MALRD1: variants seen among roughly 807,000 people sequenced by gnomAD.
MALRD1 encodes MAM and LDL-receptor class A domain-containing protein 1.
A neutral mutation model predicts 242.1 loss-of-function variants in MALRD1; 247 were observed. The observed-to-expected ratio is 1.02, with a 90% CI of 0.92 to 1.13. The LOEUF (loss-of-function observed/expected upper bound fraction) is 1.13. MALRD1 is among the 50% of genes most tolerant of loss of function. MALRD1 has a pLI of 0.00. For missense variants in MALRD1, 2,989 were observed against 2,533.1 expected (o/e 1.18, Z -3.86); for synonymous variants, 995 against 866.6 (o/e 1.15, Z -2.60).
At chr10:19,093,942 T>A (rs1835918362) in intron 4 of MALRD1, among the ~76,000 whole-genome samples, 1 of 101,578 alleles carries the variant, frequency 9.8e-6, no homozygotes, top group East Asian at 3.1e-4. Context: ...GGAGGCAGTC[T>A]GCCCGTTCTC....
intron 31 of MALRD1, among the ~76,000 whole-genome samples, chr10:19,499,326 A>G (rs1837862099): frequency 6.6e-6 from 1 of 151,978 alleles, no homozygotes; most frequent in African/African-American, 2.4e-5. Context: ...TGTGATGCTA[A>G]TTTTATGTGT....
At chr10:19,665,318 G>A (rs1416615020) in intron 36 of MALRD1, among the ~76,000 whole-genome samples, 1 of 152,070 alleles carries the variant, frequency 6.6e-6, no homozygotes, top group Admixed American at 6.6e-5. Flanking sequence ...CAAATATAGA[G>A]GGAAACTAAT....
At chr10:19,365,613 T>G (rs1360369190) in intron 26 of MALRD1, among the ~76,000 whole-genome samples, 1 of 148,710 alleles carries the variant, frequency 6.7e-6, no homozygotes, top group Non-Finnish European at 1.5e-5. Flanking sequence ...CTGTTTGAGA[T>G]TCATTAAGAT....
intron 33 of MALRD1, among the ~76,000 whole-genome samples, chr10:19,569,621 T>A (rs1589250674): frequency 6.8e-6 from 1 of 148,134 alleles, no homozygotes. Flanking sequence ...GCTCTGTCTT[T>A]TATATATATA....
chr10:19,176,853 TGTGC>T (rs979480307), intron 14 of MALRD1, among the ~76,000 whole-genome samples: 6 of 145,100 alleles, frequency 4.1e-5, no homozygotes, highest in Admixed American at 3.6e-4. Context: ...TGTCTGTGTG[TGTGC>T]GTGCATGTGT....
intron 10 of MALRD1, 115 bp from the exon 11 acceptor site, chr10:19,146,082 TC>T (rs1711811559): frequency 1.4e-6 from 1 of 706,126 alleles, no homozygotes. Context: ...TAGAGAATAT[TC>T]ACTACCAAGC....
intron 31 of MALRD1, among the ~76,000 whole-genome samples, chr10:19,530,379 ATATTATATATT>A (rs1564417137): frequency 3.6e-5 from 3 of 84,392 alleles, no homozygotes; most frequent in African/African-American, 7.5e-5. Flanking sequence ...ATTTATATAA[ATATTATATATT>A]TATATAAATA....
chr10:19,696,049 T>C (rs1833364171), intron 38 of MALRD1, among the ~76,000 whole-genome samples: 1 of 152,044 alleles, frequency 6.6e-6, no homozygotes, highest in African/African-American at 2.4e-5. Flanking sequence ...CCATATCACA[T>C]AGGGAGGCAG....
At chr10:19,732,801 A>C (rs1418104978) in intron 39 of MALRD1, among the ~76,000 whole-genome samples, 7 of 152,200 alleles carry the variant, frequency 4.6e-5, no homozygotes, top group Non-Finnish European at 8.8e-5. Context: ...AGGGGCCTCC[A>C]TCAAAGACCC....
At position 19,352,205 on chromosome 10, in the gene MALRD1, G is replaced by C. The variant is rs75914067; in HGVS notation, c.4349G>C (p.Gly1450Ala). 5,226 of 1,550,388 alleles carry C rather than the reference G, an allele frequency of 3.4e-3. 132 individuals are homozygous for C. In the African/African-American group the frequency reaches 0.061, roughly 18 times the overall value. The part of the protein sequence containing the change: ...FEGRVGKGQR[G>A]DIALDDIVLT... ...GGTAGAGTTGGGAAAGGTCAGCGTG[G>C]AGACATTGCACTTGATGACATTGTG... Residue 1450 changes from glycine to alanine, a missense_variant, in exon 26 of 40, where the codon GGA becomes GCA. By Grantham distance (60) the Gly-to-Ala change is moderately conservative. Transcript: ENST00000454679.
intron 36 of MALRD1, among the ~76,000 whole-genome samples, chr10:19,648,306 A>C (rs1289194386): frequency 6.6e-6 from 1 of 152,190 alleles, no homozygotes; most frequent in Non-Finnish European, 1.5e-5. Flanking sequence ...TGACAAGATA[A>C]AGCCTTACTT....
At chr10:19,320,191 A>G (rs1031891771) in intron 21 of MALRD1, among the ~76,000 whole-genome samples, 1 of 151,660 alleles carries the variant, frequency 6.6e-6, no homozygotes, top group African/African-American at 2.4e-5. Flanking sequence ...TGCATGCATT[A>G]GGTGTTTGTC....
intron 28 of MALRD1, among the ~76,000 whole-genome samples, chr10:19,402,376 G>A (rs1181273096): frequency 3.9e-5 from 6 of 152,028 alleles, no homozygotes; most frequent in Admixed American, 6.6e-5. Flanking sequence ...ATTGAATCAC[G>A]GGGGTGATTT....
intron 28 of MALRD1, among the ~76,000 whole-genome samples, chr10:19,443,911 G>A (rs1564345209): frequency 6.6e-6 from 1 of 151,992 alleles, no homozygotes; most frequent in Non-Finnish European, 1.5e-5. Context: ...GTCTAATGTT[G>A]ACAGTGGGAT....
chr10:19,578,702 G>GT (rs1232896978), intron 33 of MALRD1, among the ~76,000 whole-genome samples: 117 of 148,758 alleles, frequency 7.9e-4, no homozygotes, highest in East Asian at 2.2e-3. Context: ...TCATGGCTGG[G>GT]TTTTTTTTTT....
chr10:19,711,585 C>T (rs1341436068), intron 38 of MALRD1, among the ~76,000 whole-genome samples: 1 of 152,088 alleles, frequency 6.6e-6, no homozygotes, highest in African/African-American at 2.4e-5. Context: ...AGGGTTGGTG[C>T]AGAGGTGCTG....
At position 19,152,638 on chromosome 10, in the gene MALRD1, C is replaced by A. The variant is rs545328226; in HGVS notation, c.1559-2437C>A. On this transcript the variant is annotated intron_variant, in intron 11 of 39. Coordinates refer to ENST00000454679, the MANE Select transcript of MALRD1 (RefSeq NM_001142308.3). The stretch of plus-strand genomic sequence containing the variant: ...TGTTTATGTATCTGGAAACTTACTG[C>A]TAAGATAAGATAAGTAATTGTGTAA... Among the ~76,000 whole-genome samples the A allele has an allele frequency of 9.9e-5, 15 of 152,106 alleles. No homozygotes were observed. In the South Asian group the frequency reaches 2.5e-3, roughly 25 times the overall value.
chr10:19,616,152 A>T (rs1375335057), intron 36 of MALRD1, among the ~76,000 whole-genome samples: 1 of 151,928 alleles, frequency 6.6e-6, no homozygotes, highest in African/African-American at 2.4e-5. Context: ...AACATTTTAT[A>T]TGTGTAATAT....
chr10:19,454,780 ATT>A (rs1330880852), intron 29 of MALRD1, among the ~76,000 whole-genome samples: 1 of 151,780 alleles, frequency 6.6e-6, no homozygotes, highest in Admixed American at 6.6e-5. Context: ...TATGGTATAT[ATT>A]TGGTAGTTAT....
Sources: allele counts gnomAD v4.1 joint callset (sites outside exome capture counted in the v4.1 genomes callset), GRCh38; gene constraint gnomAD v4.1.1; transcripts MANE v1.5; gene names NCBI Gene and HGNC (gene_info 2026-07-23, HGNC 2026-07-21).